Variants in AGBL1 observed in about 807,000 individuals in gnomAD.
AGBL1 encodes the protein AGBL carboxypeptidase 1.
In AGBL1, 130 loss-of-function variants were observed where a neutral mutation model predicts 118.9. The ratio of observed to expected loss-of-function variants is 1.09; its 90% CI spans 0.95 to 1.26. AGBL1 has a LOEUF of 1.26. Ranked by LOEUF, AGBL1 falls within the 50% of genes most tolerant of loss-of-function variation. AGBL1 has a pLI of 0.00. For missense variants in AGBL1, 1,584 were observed against 1,298.1 expected (o/e 1.22, Z -3.38); for synonymous variants, 555 against 478.9 (o/e 1.16, Z -2.08).
chr15:86,820,493 A>G (rs1014559733), intron 22 of AGBL1, among the ~76,000 whole-genome samples: 2 of 152,194 alleles, frequency 1.3e-5, no homozygotes, highest in South Asian at 4.1e-4. Flanking sequence ...TACATGAAAA[A>G]ACAACCCCAT....
intron 22 of AGBL1, among the ~76,000 whole-genome samples, chr15:86,839,307 T>TG (rs1298571955): frequency 2.0e-5 from 3 of 152,328 alleles, no homozygotes; most frequent in East Asian, 3.9e-4. Flanking sequence ...TACATTCTAG[T>TG]GAAAAAGTCT....
chr15:86,126,380 T>A (rs1490406752), intron 1 of AGBL1, among the ~76,000 whole-genome samples: 1 of 152,206 alleles, frequency 6.6e-6, no homozygotes, highest in East Asian at 1.9e-4. Context: ...CAACCAAGAA[T>A]CCATCTGAAG....
chr15:86,615,930 AT>A lies in AGBL1; in HGVS notation c.2995-58342del, dbSNP rs1273486097. ...ATATAAGAAAAGATGTCAACAGGAA[AT>A]AAAAAAAAAATACTCCCACGGAAGT... On this transcript the variant is annotated intron_variant, in intron 21 of 22. Coordinates refer to ENST00000614907, the MANE Select transcript of AGBL1 (RefSeq NM_001386094.1). This position sits in a 1 kb window ranked among gnomAD's most constrained non-coding sequence, Gnocchi z 4.3. Among the ~76,000 whole-genome samples, 1 of 110,440 alleles carries A rather than the reference AT, an allele frequency of 9.1e-6. No individual in the cohort carries two copies. The highest frequency in any genetic ancestry group is 8.8e-5 in the Admixed American group (1 of 11,412). The allele number at this position is 110,440 out of a possible 152,430, so 72.5% of individuals were successfully genotyped here.
At chr15:86,607,266 C>T (rs1238115217) in intron 21 of AGBL1, among the ~76,000 whole-genome samples, 8 of 152,162 alleles carry the variant, frequency 5.3e-5, no homozygotes. Context: ...TCAGGTGCAT[C>T]TGGGGATTGG....
At chr15:86,308,130 A>T (rs1461337353) in intron 17 of AGBL1, among the ~76,000 whole-genome samples, 1 of 152,194 alleles carries the variant, frequency 6.6e-6, no homozygotes, top group Non-Finnish European at 1.5e-5. Flanking sequence ...TAAAGATTAA[A>T]CTATGTTAAC....
chr15:86,781,983 A>G lies in AGBL1; in HGVS notation c.3158+107547A>G, dbSNP rs140869997. Among the ~76,000 whole-genome samples the G allele has an allele frequency of 7.8e-4, 119 of 151,976 alleles. 1 individual carries two copies. The East Asian group carries it at 0.019, about 24-fold the overall frequency. On this transcript the variant is annotated intron_variant, in intron 22 of 22. Coordinates refer to ENST00000614907, the MANE Select transcript of AGBL1 (RefSeq NM_001386094.1). ...TCTTTGTCCTTCCCTCTTAATCACA[A>G]TTTATAGATCTTCTGGATCTGTGGC...
At chr15:87,000,771 A>T (rs1423774722) in intron 24 of AGBL1, among the ~76,000 whole-genome samples, 1 of 138,214 alleles carries the variant, frequency 7.2e-6, no homozygotes, top group Admixed American at 7.5e-5. Context: ...GAAGAAAGTC[A>T]TTGGTAGCTT....
intron 17 of AGBL1, among the ~76,000 whole-genome samples, chr15:86,377,076 G>A (rs528462024): frequency 6.6e-6 from 1 of 152,230 alleles, no homozygotes; most frequent in South Asian, 2.1e-4. Context: ...TGCTGGTGAG[G>A]TTTTTCTGGC....
At chr15:86,366,350 A>G (rs74027521) in intron 17 of AGBL1, among the ~76,000 whole-genome samples, 6,237 of 152,254 alleles carry the variant, frequency 0.041, 396 homozygotes, top group African/African-American at 0.14. Context: ...GAGTGAGGCA[A>G]CATTTCAGAG....
intron 21 of AGBL1, among the ~76,000 whole-genome samples, chr15:86,642,523 G>A (rs1237983615): frequency 6.6e-6 from 1 of 151,980 alleles, no homozygotes; most frequent in African/African-American, 2.4e-5. Flanking sequence ...TTGTGTTAAA[G>A]AGTATTCATA....
At chr15:86,783,063 A>G (rs1312256135) in intron 22 of AGBL1, among the ~76,000 whole-genome samples, 2 of 152,210 alleles carry the variant, frequency 1.3e-5, no homozygotes, top group Non-Finnish European at 2.9e-5. Context: ...ATCCCAGAGG[A>G]ATCCATATCC....
intron 23 of AGBL1, among the ~76,000 whole-genome samples, chr15:86,932,468 G>A (rs1248152848): frequency 1.3e-5 from 2 of 152,160 alleles, no homozygotes; most frequent in African/African-American, 4.8e-5. Context: ...TGTTTCAAAG[G>A]GTGCGTGGAA....
chr15:86,776,142 A>G (rs1257253676), intron 22 of AGBL1, among the ~76,000 whole-genome samples: 4 of 152,160 alleles, frequency 2.6e-5, no homozygotes, highest in Admixed American at 2.6e-4. Flanking sequence ...CAGGTTGATA[A>G]AAGTGAACTC....
chr15:86,926,453 G>C (rs1274119738), intron 23 of AGBL1, among the ~76,000 whole-genome samples: 1 of 152,112 alleles, frequency 6.6e-6, no homozygotes, highest in African/African-American at 2.4e-5. Flanking sequence ...CCTTTTAAGA[G>C]ACTCCATACA....
chr15:86,708,891 C>A (rs1212125229), intron 22 of AGBL1, among the ~76,000 whole-genome samples: 1 of 152,140 alleles, frequency 6.6e-6, no homozygotes, highest in Non-Finnish European at 1.5e-5. Context: ...AGTCCTAAAT[C>A]ATCCATTTTG....
At chr15:86,930,820 C>A (rs1200206308) in intron 23 of AGBL1, among the ~76,000 whole-genome samples, 1 of 152,056 alleles carries the variant, frequency 6.6e-6, no homozygotes, top group Non-Finnish European at 1.5e-5. Context: ...ATTCCAGGCA[C>A]ATAAAAGTAA....
chr15:86,975,099 G>T (rs2081160251), intron 23 of AGBL1, among the ~76,000 whole-genome samples: 1 of 151,916 alleles, frequency 6.6e-6, no homozygotes, highest in South Asian at 2.1e-4. Flanking sequence ...GAGCTTTTTT[G>T]AGAGGAGCAA....
chr15:86,509,562 T>C (rs1596204609), intron 18 of AGBL1, among the ~76,000 whole-genome samples: 3 of 152,208 alleles, frequency 2.0e-5, no homozygotes, highest in South Asian at 2.1e-4. Context: ...TTATGTCAAA[T>C]TGGAGGAGAA....
intron 5 of AGBL1, among the ~76,000 whole-genome samples, chr15:86,161,097 G>T (rs1261482897): frequency 5.9e-5 from 9 of 152,212 alleles, no homozygotes; most frequent in Non-Finnish European, 8.8e-5. Flanking sequence ...TAATACCAGG[G>T]ATTAAGGGAG....
Sources: gnomAD v4.1 joint callset for allele counts (sites outside exome capture counted in the v4.1 genomes callset) on GRCh38, gnomAD v4.1.1 for gene constraint, Gnocchi (gnomAD v3.1) non-coding constraint, MANE v1.5 for transcripts, NCBI Gene and HGNC (gene_info 2026-07-23, HGNC 2026-07-21) for gene names.